The following ALDH1L2 variants were observed in gnomAD, a reference collection of about 807,000 sequenced individuals.
ALDH1L2 encodes mitochondrial 10-formyltetrahydrofolate dehydrogenase.
A neutral mutation model predicts 111.0 loss-of-function variants in ALDH1L2; 91 were observed. The ratio of observed to expected loss-of-function variants is 0.82; its 90% CI spans 0.69 to 0.98. The LOEUF is 0.98. Among genes scored for constraint, ALDH1L2 ranks in the 50% least tolerant of loss-of-function variants. The pLI, the probability that ALDH1L2 is intolerant of heterozygous loss-of-function variation, is 0.00. For missense variants in ALDH1L2, 995 were observed against 1,126.8 expected (o/e 0.88, Z 1.67); for synonymous variants, 374 against 392.6 (o/e 0.95, Z 0.56).
At chr12:105,061,189 C>A in intron 8 of ALDH1L2, 117 bp from the exon 9 acceptor site, 1 of 854,202 alleles carries the variant, frequency 1.2e-6, no homozygotes. Context: ...GCTGTACATA[C>A]AGCTGGATCA....
intron 21 of ALDH1L2, chr12:105,030,116 T>C: frequency 2.8e-6 from 1 of 360,204 alleles, no homozygotes; most frequent in Non-Finnish European, 4.9e-6. Context: ...GCCCATTATG[T>C]TGGCCATTAA....
In ALDH1L2 at chr12:105,046,250, T is replaced by TTC. The variant is rs1565957222; in HGVS notation, c.1863+459_1863+460insGA. On this transcript the variant is annotated intron_variant, in intron 15 of 22. Transcript: ENST00000258494. Reference sequence around the variant, plus strand: ...TTTTTTTTTTTTTTTTTTTTTTTTTTTGTGAGACAGAGTCTTTGCTTTGTT... The same window carrying TTC: ...TTTTTTTTTTTTTTTTTTTTTTTTTTTCTGTGAGACAGAGTCTTTGCTTTGTT... Among the ~76,000 whole-genome samples, 33 of 78,878 alleles carry TTC rather than the reference T, an allele frequency of 4.2e-4. 11 individuals are homozygous for TTC. Among genetic ancestry groups the TTC allele is most frequent in the African/African-American group, 1.6e-3 (30 of 19,246 alleles). 51.7% of individuals were successfully genotyped at this position (78,878 alleles called of 152,430 possible).
At chr12:105,084,256 A>T (rs1306748960) in intron 1 of ALDH1L2, 133 bp downstream of exon 1, 1 of 1,071,936 alleles carries the variant, frequency 9.3e-7, no homozygotes, top group Non-Finnish European at 1.3e-6. Context: ...GTTTGTTTTA[A>T]ACGCTGTCTT....
chr12:105,081,121 C>T (rs569944202), intron 1 of ALDH1L2, among the ~76,000 whole-genome samples: 8 of 152,174 alleles, frequency 5.3e-5, no homozygotes, highest in African/African-American at 1.9e-4. Flanking sequence ...AAATATTACC[C>T]GTTTTATATA....
intron 6 of ALDH1L2, among the ~76,000 whole-genome samples, chr12:105,064,633 T>C (rs978347836): frequency 6.6e-6 from 1 of 152,184 alleles, no homozygotes; most frequent in Non-Finnish European, 1.5e-5. Context: ...TGATGTGCGA[T>C]GCCAGAGGTA....
rs1292069758 is a variant in ALDH1L2 at position 105,035,833 on chromosome 12, A to ATG, written c.2146-1436_2146-1435insCA. Among the ~76,000 whole-genome samples the ATG allele has an allele frequency of 8.3e-4, 76 of 91,674 alleles. 19 individuals are homozygous for ATG. In the East Asian group the frequency reaches 0.024, roughly 29 times the overall value. The allele number at this position is 91,674 out of a possible 152,430, so 60.1% of individuals were successfully genotyped here. On this transcript the variant is annotated intron_variant, in intron 18 of 22. Transcript: ENST00000258494. ...GACTATATATAGTGTGTCTATATAT[A>ATG]TATATATGTGTGTGTGTGTGTGTGT...
chr12:105,036,565 T>A lies in ALDH1L2; in HGVS notation c.2145+1538A>T, dbSNP rs866217233. Reference sequence around the variant, plus strand: ...ATATATATATATATATATATATATATAAAATGGATGTGGCTGGGTGCAGTG... The same window carrying A: ...ATATATATATATATATATATATATAAAAAATGGATGTGGCTGGGTGCAGTG... On this transcript the variant is annotated intron_variant, in intron 18 of 22. Coordinates refer to ENST00000258494, the MANE Select transcript of ALDH1L2 (RefSeq NM_001034173.4). 1.4e-3 allele frequency among the ~76,000 whole-genome samples: 64 copies of A among 46,074 alleles called. 1 individual carries two copies. The highest frequency in any genetic ancestry group is 8.3e-3 in the East Asian group (5 of 606). 30.2% of individuals were successfully genotyped at this position (46,074 alleles called of 152,430 possible).
At chr12:105,037,294 T>C (rs1004378825) in intron 18 of ALDH1L2, among the ~76,000 whole-genome samples, 1 of 152,214 alleles carries the variant, frequency 6.6e-6, no homozygotes, top group African/African-American at 2.4e-5. Flanking sequence ...GCAAAAATAA[T>C]GTGAGAGTTC....
chr12:105,049,377 A>G (rs564547415), intron 13 of ALDH1L2, among the ~76,000 whole-genome samples: 1 of 152,292 alleles, frequency 6.6e-6, no homozygotes, highest in Non-Finnish European at 1.5e-5. Context: ...AGGGGATAAG[A>G]GCTATCCATT....
In ALDH1L2 at chr12:105,065,254, C is replaced by T. The variant is rs773792637; in HGVS notation, c.786+13G>A. 11 of 1,590,986 alleles carry T rather than the reference C, an allele frequency of 6.9e-6. No homozygotes were observed. The highest frequency in any genetic ancestry group is 9.5e-6 in the Non-Finnish European group (11 of 1,162,894). On this transcript the variant is annotated intron_variant, in intron 6 of 22. Coordinates refer to ENST00000258494, the MANE Select transcript of ALDH1L2 (RefSeq NM_001034173.4). ...CGGGGAGGGGGGTGGGGGGAGTGGT[C>T]CCTAAAACATACCTGTCCATTTATC...
chr12:105,071,758 G>A (rs1877743942), intron 2 of ALDH1L2, among the ~76,000 whole-genome samples: 1 of 138,644 alleles, frequency 7.2e-6, no homozygotes. Flanking sequence ...CCGGGTTCAT[G>A]CCATTCTCCA....
Position 105,023,035 on chromosome 12 carries a change from C to T in ALDH1L2, c.*1389G>A, listed in dbSNP as rs147993892. The T allele has an allele frequency of 1.3e-5, 2 of 152,292 alleles. No homozygotes were observed. Among genetic ancestry groups the T allele is most frequent in the Admixed American group, 6.5e-5 (1 of 15,294 alleles). The allele number at this position is 152,292 out of a possible 1,614,324, so 9.4% of individuals were successfully genotyped here. ...ACATAGATGGTGAAAATTTACTCAC[C>T]TGACTACTTCTGTCTGCCAATGGGA... On this transcript the variant is annotated 3_prime_UTR_variant, in exon 23 of 23. Transcript: ENST00000258494.
In ALDH1L2 at chr12:105,070,655, C is replaced by G; in HGVS notation, c.343G>C (p.Asp115His). The G allele has an allele frequency of 1.2e-6, 2 of 1,614,100 alleles. No individual in the cohort carries two copies. The highest frequency in any genetic ancestry group is 1.1e-5 in the South Asian group (1 of 91,090). ...LPFCTQFIPMDIIDSPKHGSI... is the reference protein window; with the variant it reads ...LPFCTQFIPMHIIDSPKHGSI... ...CCGTGCTTTGGACTATCAATTATAT[C>G]CATGGGAATGAACTGAGTGCAGAAA... The change falls in exon 3 of 23, where the codon GAT becomes CAT. Residue 115 changes from aspartate (D) to histidine (H), a missense_variant. Physicochemically the swap from Asp to His is moderately conservative, Grantham distance 81. Transcript: ENST00000258494.
rs1876387694 is a variant in ALDH1L2, at chr12:105,052,938, G to T, written c.1288-7C>A. 2 of 1,613,098 alleles carry T rather than the reference G, an allele frequency of 1.2e-6. No individual in the cohort carries two copies. Among genetic ancestry groups the T allele is most frequent in the Non-Finnish European group, 1.7e-6 (2 of 1,179,192 alleles). ...CATTGACCTCCTTTGAAATCTGAGA[G>T]AAGTATATTAATAGATTCAATGGAT... On this transcript the variant is annotated splice_region_variant and splice_polypyrimidine_tract_variant and intron_variant, in intron 10 of 22. Coordinates refer to ENST00000258494, the MANE Select transcript of ALDH1L2 (RefSeq NM_001034173.4).
chr12:105,046,610 C>T (rs1875932829), intron 15 of ALDH1L2, 100 bp downstream of exon 15: 4 of 1,018,942 alleles, frequency 3.9e-6, no homozygotes, highest in African/African-American at 1.6e-5. Flanking sequence ...AATGCCATAC[C>T]ATCTCATTTT....
In ALDH1L2 at chr12:105,061,626, C is replaced by T. The variant is rs1245421767; in HGVS notation, c.1047+1G>A. ...TAAGATTTAAGTCATCATGTGTTCA[C>T]CTTGATGGTCTCTGCCACTTTCACC... On this transcript the variant is annotated splice_donor_variant, in intron 8 of 22. Transcript: ENST00000258494. LOFTEE classifies it high-confidence loss of function. 2 of 1,614,092 alleles carry T rather than the reference C, an allele frequency of 1.2e-6. No homozygotes were observed. The highest frequency in any genetic ancestry group is 1.7e-6 in the Non-Finnish European group (2 of 1,179,994).
intron 5 of ALDH1L2, among the ~76,000 whole-genome samples, chr12:105,065,729 T>C (rs1202059214): frequency 6.6e-6 from 1 of 151,584 alleles, no homozygotes; most frequent in East Asian, 1.9e-4. Context: ...TTTTGTCTAG[T>C]TTGTTTGTGT....
rs1874251204 is a variant in ALDH1L2, at chr12:105,023,347, T to C, written c.*1077A>G. 2 of 152,202 alleles carry C rather than the reference T, an allele frequency of 1.3e-5. No individual in the cohort carries two copies. Among genetic ancestry groups the C allele is most frequent in the Admixed American group, 1.3e-4 (2 of 15,274 alleles). 9.4% of individuals were successfully genotyped at this position (152,202 alleles called of 1,614,324 possible). A position where few individuals can be genotyped will look rare whatever the true frequency, so the allele number is the denominator to read the frequency against. ...AAAGCACCCCTTTTCCTTGTACTATTGCCATTTTTCATTGTGTGGCATTTT... is the reference window on the plus strand; with the variant it reads ...AAAGCACCCCTTTTCCTTGTACTATCGCCATTTTTCATTGTGTGGCATTTT... On this transcript the variant is annotated 3_prime_UTR_variant, in exon 23 of 23. Transcript: ENST00000258494.
At chr12:105,067,697 G>A (rs1371537899) in intron 4 of ALDH1L2, among the ~76,000 whole-genome samples, 1 of 152,110 alleles carries the variant, frequency 6.6e-6, no homozygotes, top group African/African-American at 2.4e-5. Flanking sequence ...ACTCACAGCT[G>A]CTGACCAACC....
Sources: allele counts gnomAD v4.1 joint callset (sites outside exome capture counted in the v4.1 genomes callset), GRCh38; gene constraint gnomAD v4.1.1; transcripts MANE v1.5; gene names NCBI Gene and HGNC (gene_info 2026-07-23, HGNC 2026-07-21).